The following ZNF638 variants were observed in gnomAD, a reference collection of about 807,000 sequenced individuals.
ZNF638 encodes CTCL tumor antigen se33-1.
ZNF638 carries 46 observed loss-of-function variants against 195.6 expected under a neutral mutation model. The observed-to-expected ratio is 0.24, with a 90% CI of 0.19 to 0.30. The LOEUF (loss-of-function observed/expected upper bound fraction) is 0.30, where lower values mean the gene tolerates loss of function less well. ZNF638 is among the 10% of genes least tolerant of loss of function. The pLI is 1.00. For synonymous variants in ZNF638, 845 were observed against 772.0 expected (o/e 1.09, Z -1.57); for missense variants, 2,440 against 2,325.3 (o/e 1.05, Z -1.01).
At chr2:71,430,280 A>G (rs1239417454) in intron 25 of ZNF638, among the ~76,000 whole-genome samples, 1 of 152,166 alleles carries the variant, frequency 6.6e-6, no homozygotes, top group African/African-American at 2.4e-5. Flanking sequence ...TGTTTGGGAA[A>G]GTTTATTACC....
At chr2:71,341,902 C>A (rs1254619366) in intron 1 of ZNF638, 2 of 152,114 alleles carry the variant, frequency 1.3e-5, no homozygotes, top group Non-Finnish European at 2.9e-5. Flanking sequence ...CAGGTTACAT[C>A]ATTATCTTAA....
At chr2:71,398,816 T>C (rs531943128) in intron 12 of ZNF638, 44 bp downstream of exon 12, 3 of 1,482,942 alleles carry the variant, frequency 2.0e-6, no homozygotes, top group South Asian at 2.4e-5. Flanking sequence ...TATTCTTTAT[T>C]TATGTTTTAA....
chr2:71,374,547 TAAAA>T (rs904564899), intron 8 of ZNF638, among the ~76,000 whole-genome samples: 1 of 152,102 alleles, frequency 6.6e-6, no homozygotes, highest in African/African-American at 2.4e-5. Flanking sequence ...TAAGTTCTCT[TAAAA>T]AAAACTTACT....
intron 10 of ZNF638, among the ~76,000 whole-genome samples, chr2:71,383,999 TATA>T (rs2079587499): frequency 6.6e-6 from 1 of 152,046 alleles, no homozygotes; most frequent in African/African-American, 2.4e-5. Flanking sequence ...CTCATTTTCT[TATA>T]TTATTTAACA....
intron 2 of ZNF638, among the ~76,000 whole-genome samples, chr2:71,350,954 T>C (rs2078929849): frequency 6.6e-6 from 1 of 152,196 alleles, no homozygotes; most frequent in Admixed American, 6.5e-5. Context: ...TAGAAGGAAG[T>C]ATTTTGCAGA....
chr2:71,384,056 CTCTTT>C (rs1324450997), intron 10 of ZNF638, among the ~76,000 whole-genome samples: 1 of 152,192 alleles, frequency 6.6e-6, no homozygotes, highest in Non-Finnish European at 1.5e-5. Context: ...ACCCTGTCTT[CTCTTT>C]TCTTCTGTTC....
At chr2:71,391,219 A>G (rs369239884) in intron 10 of ZNF638, among the ~76,000 whole-genome samples, 23 of 152,314 alleles carry the variant, frequency 1.5e-4, no homozygotes, top group South Asian at 8.3e-4. Flanking sequence ...GGCCCCTTCA[A>G]CGGGGCTCCC....
At chr2:71,400,969 T>C (rs1291719477) in intron 15 of ZNF638, among the ~76,000 whole-genome samples, 1 of 152,152 alleles carries the variant, frequency 6.6e-6, no homozygotes, top group Non-Finnish European at 1.5e-5. Flanking sequence ...AATATATTGT[T>C]TTCTTATGTT....
intron 3 of ZNF638, among the ~76,000 whole-genome samples, chr2:71,356,431 TGA>T (rs2079024051): frequency 6.6e-6 from 1 of 152,206 alleles, no homozygotes; most frequent in Non-Finnish European, 1.5e-5. Context: ...GCCACTAGAC[TGA>T]GAGTAACGTG....
intron 10 of ZNF638, among the ~76,000 whole-genome samples, chr2:71,386,692 A>G (rs2079647650): frequency 6.6e-6 from 1 of 152,160 alleles, no homozygotes; most frequent in Non-Finnish European, 1.5e-5. Context: ...CTTTTTAAAG[A>G]AGAGCTCCTT....
intron 10 of ZNF638, among the ~76,000 whole-genome samples, chr2:71,390,212 G>T (rs1466567109): frequency 1.3e-5 from 2 of 152,168 alleles, no homozygotes; most frequent in Non-Finnish European, 2.9e-5. Flanking sequence ...TGAGGGGCCA[G>T]CCCCAGGCCC....
intron 20 of ZNF638, among the ~76,000 whole-genome samples, chr2:71,410,321 T>C (rs1244197953): frequency 1.3e-5 from 2 of 152,104 alleles, no homozygotes; most frequent in African/African-American, 2.4e-5. Flanking sequence ...GAGTAGACTA[T>C]AGGGGCATGC....
rs1480251524 is a variant in ZNF638 at position 71,423,672 on chromosome 2, T to A, written c.4158T>A (p.Asp1386Glu). 1.9e-6 allele frequency: 3 copies of A among 1,613,746 alleles called. No individual in the cohort carries two copies. The highest frequency in any genetic ancestry group is 1.7e-6 in the Non-Finnish European group (2 of 1,180,024). ...AAACTAGTATTCTGGCTGTATCAGA[T>A]GTATCTAGCAGTAAACCAAGCATCA... ...TSKTSILAVS[D>E]VSSSKPSIKA... The change falls in exon 22 of 28, where the codon GAT becomes GAA. Residue 1386 changes from aspartate (D) to glutamate (E), a missense_variant. Physicochemically the swap from Asp to Glu is conservative, Grantham distance 45. This residue lies in a region of ZNF638 where 1,883 missense variants were observed against 1,739.1 expected (regional missense o/e 1.08). Coordinates refer to ENST00000264447, the MANE Select transcript of ZNF638 (RefSeq NM_014497.5).
intron 21 of ZNF638, among the ~76,000 whole-genome samples, chr2:71,419,576 T>C (rs927536405): frequency 6.6e-6 from 1 of 152,246 alleles, no homozygotes; most frequent in African/African-American, 2.4e-5. Context: ...GCAATAGGTT[T>C]GCTCTGTGTG....
intron 2 of ZNF638, among the ~76,000 whole-genome samples, chr2:71,353,700 T>C (rs1359289618): frequency 6.6e-6 from 1 of 152,204 alleles, no homozygotes; most frequent in African/African-American, 2.4e-5. Context: ...TGATATCCTG[T>C]ATTACTGTAT....
intron 19 of ZNF638, 82 bp downstream of exon 19, chr2:71,406,344 G>A: frequency 3.2e-6 from 4 of 1,234,322 alleles, no homozygotes. Context: ...TGCAACTTCT[G>A]ATCTGAAGCA....
intron 22 of ZNF638, among the ~76,000 whole-genome samples, 175 bp from the exon 23 acceptor site, chr2:71,424,475 G>T (rs1367765363): frequency 1.3e-5 from 2 of 152,064 alleles, no homozygotes; most frequent in Non-Finnish European, 2.9e-5. Context: ...TACAGACTGT[G>T]CCTATACTGT....
intron 20 of ZNF638, among the ~76,000 whole-genome samples, chr2:71,417,047 T>G (rs949677857): frequency 3.1e-5 from 4 of 130,328 alleles, no homozygotes; most frequent in Non-Finnish European, 6.5e-5. Context: ...TAAGCAAGCC[T>G]GGGCAATGGC....
chr2:71,384,874 A>C (rs894178522), intron 10 of ZNF638, among the ~76,000 whole-genome samples: 4 of 152,206 alleles, frequency 2.6e-5, no homozygotes, highest in African/African-American at 9.7e-5. Context: ...CACCATTCAG[A>C]GATCACCTCT....
Sources: gnomAD v4.1 joint callset for allele counts (sites outside exome capture counted in the v4.1 genomes callset) on GRCh38, gnomAD v4.1.1 for gene constraint, gnomAD v4.1.1 regional missense constraint, MANE v1.5 for transcripts, NCBI Gene and HGNC (gene_info 2026-07-23, HGNC 2026-07-21) for gene names.